The following SAMD4A variants were observed in gnomAD, a reference collection of about 807,000 sequenced individuals.
The protein encoded by SAMD4A is protein Smaug homolog 1.
In SAMD4A, 33 loss-of-function variants were observed where a neutral mutation model predicts 81.3. That is an observed-to-expected ratio of 0.41 (90% CI 0.31 to 0.54). SAMD4A has a LOEUF of 0.54. SAMD4A is among the 20% of genes least tolerant of loss of function. The pLI, the probability that SAMD4A is intolerant of heterozygous loss-of-function variation, is 0.37. For missense variants in SAMD4A, 854 were observed against 951.1 expected (o/e 0.90, Z 1.34); for synonymous variants, 389 against 382.1 (o/e 1.02, Z -0.21).
intron 2 of SAMD4A, among the ~76,000 whole-genome samples, chr14:54,590,807 C>T (rs990055326): frequency 6.6e-6 from 1 of 152,158 alleles, no homozygotes; most frequent in African/African-American, 2.4e-5. Flanking sequence ...CAGAAGTAGC[C>T]AAAGGCCACC....
intron 3 of SAMD4A, among the ~76,000 whole-genome samples, chr14:54,725,059 G>A (rs2037379625): frequency 6.6e-6 from 1 of 152,154 alleles, no homozygotes; most frequent in Admixed American, 6.5e-5. Flanking sequence ...CACATGGTGG[G>A]CACTCCACAA....
At chr14:54,674,761 T>C (rs1281515668) in intron 2 of SAMD4A, among the ~76,000 whole-genome samples, 1 of 152,186 alleles carries the variant, frequency 6.6e-6, no homozygotes, top group African/African-American at 2.4e-5. Context: ...TTTTATTTTA[T>C]TTTTGAGACA....
intron 4 of SAMD4A, among the ~76,000 whole-genome samples, chr14:54,748,081 G>T (rs2038011149): frequency 6.6e-6 from 1 of 152,160 alleles, no homozygotes; most frequent in African/African-American, 2.4e-5. Flanking sequence ...TTCAAGTCCT[G>T]ATATATTTTT....
At chr14:54,706,211 G>A (rs968409205) in intron 3 of SAMD4A, among the ~76,000 whole-genome samples, 3 of 151,186 alleles carry the variant, frequency 2.0e-5, no homozygotes, top group Middle Eastern at 3.4e-3. Flanking sequence ...TTAGTCTGAT[G>A]AGGTGGCTGA....
chr14:54,642,611 T>A (rs2035199316), intron 2 of SAMD4A, among the ~76,000 whole-genome samples: 1 of 152,156 alleles, frequency 6.6e-6, no homozygotes, highest in South Asian at 2.1e-4. Flanking sequence ...TTGTGGAGAT[T>A]CATTCAGTAC....
intron 2 of SAMD4A, among the ~76,000 whole-genome samples, chr14:54,644,733 T>A (rs2035249220): frequency 6.6e-6 from 1 of 152,202 alleles, no homozygotes; most frequent in South Asian, 2.1e-4. Context: ...ATGATTCAGA[T>A]CTTAAACACA....
In SAMD4A at chr14:54,660,973, G is replaced by A. The variant is rs185234746; in HGVS notation, c.197-41089G>A. Among the ~76,000 whole-genome samples the A allele has an allele frequency of 1.3e-3, 195 of 152,262 alleles. 1 individual carries two copies. Among genetic ancestry groups the A allele is most frequent in the African/African-American group, 4.4e-3 (184 of 41,556 alleles). The stretch of plus-strand genomic sequence containing the variant: ...AGGCATCTTTTTAGTTCTCTGGAGG[G>A]TTTTTCCACCTATGGACTTGATCAG... On this transcript the variant is annotated intron_variant, in intron 2 of 12. Coordinates refer to ENST00000554335, the MANE Select transcript of SAMD4A (RefSeq NM_015589.6).
rs1375716068 is a variant in SAMD4A, at chr14:54,567,752, G to A, written c.-165G>A. 3.7e-5 allele frequency: 22 copies of A among 587,812 alleles called. No homozygotes were observed. Among genetic ancestry groups the A allele is most frequent in the Non-Finnish European group, 6.3e-5 (22 of 351,714 alleles). 36.4% of individuals were successfully genotyped at this position (587,812 alleles called of 1,614,324 possible). A position where few individuals can be genotyped will look rare whatever the true frequency, so the allele number is the denominator to read the frequency against. ...CCGGAACGTAACTGAAACCAGACAA[G>A]AGAGGCAGGAGCCCAGGCAGTACCT... On this transcript the variant is annotated 5_prime_UTR_variant, in exon 2 of 13. Coordinates refer to ENST00000554335, the MANE Select transcript of SAMD4A (RefSeq NM_015589.6).
At chr14:54,665,439 T>C (rs955325730) in intron 2 of SAMD4A, among the ~76,000 whole-genome samples, 1 of 152,226 alleles carries the variant, frequency 6.6e-6, no homozygotes, top group Non-Finnish European at 1.5e-5. Context: ...TGTTTTATTC[T>C]AGAGCATAAA....
At chr14:54,686,540 C>A (rs1383099867) in intron 2 of SAMD4A, among the ~76,000 whole-genome samples, 1 of 143,196 alleles carries the variant, frequency 7.0e-6, no homozygotes, top group Admixed American at 7.3e-5. Flanking sequence ...GTTTTTCCAT[C>A]GGGCTCTTTG....
chr14:54,645,784 TTC>T (rs1166463107), intron 2 of SAMD4A, among the ~76,000 whole-genome samples: 2 of 152,264 alleles, frequency 1.3e-5, no homozygotes, highest in Non-Finnish European at 2.9e-5. Context: ...TCCAGAATAC[TTC>T]TCTGTTTCCC....
chr14:54,617,661 G>A (rs894693869), intron 2 of SAMD4A, among the ~76,000 whole-genome samples: 5 of 152,034 alleles, frequency 3.3e-5, no homozygotes, highest in South Asian at 2.1e-4. Flanking sequence ...GAAATCTTTC[G>A]ACCTCTTCCT....
At chr14:54,783,979 A>G (rs1407911750) in intron 11 of SAMD4A, among the ~76,000 whole-genome samples, 1 of 152,176 alleles carries the variant, frequency 6.6e-6, no homozygotes, top group Non-Finnish European at 1.5e-5. Flanking sequence ...CTGTGGGCGA[A>G]GGCTATGAAG....
At chr14:54,780,443 T>G in intron 11 of SAMD4A, among the ~76,000 whole-genome samples, 1 of 152,064 alleles carries the variant, frequency 6.6e-6, no homozygotes, top group East Asian at 1.9e-4. Flanking sequence ...TTAGAAAGAA[T>G]AGAGAGTTAT....
chr14:54,682,123 G>C (rs1278378145), intron 2 of SAMD4A: 1 of 929,718 alleles, frequency 1.1e-6, no homozygotes, highest in Non-Finnish European at 1.3e-6. Flanking sequence ...ACAATGTTTG[G>C]GGTTGTGGCC....
chr14:54,757,497 A>G (rs552821557), intron 6 of SAMD4A, among the ~76,000 whole-genome samples: 5 of 151,702 alleles, frequency 3.3e-5, no homozygotes, highest in African/African-American at 1.2e-4. Context: ...TGGGGCATGC[A>G]TATGTTTCCT....
At chr14:54,736,670 T>G (rs2037701952) in intron 3 of SAMD4A, among the ~76,000 whole-genome samples, 1 of 152,276 alleles carries the variant, frequency 6.6e-6, no homozygotes, top group Non-Finnish European at 1.5e-5. Flanking sequence ...TTTTTGCTTT[T>G]GGCAGATATG....
At chr14:54,690,982 C>G (rs904813780) in intron 2 of SAMD4A, among the ~76,000 whole-genome samples, 3 of 152,234 alleles carry the variant, frequency 2.0e-5, no homozygotes, top group African/African-American at 7.2e-5. Flanking sequence ...AGGTTTGTTT[C>G]CAGGAAGGAG....
intron 2 of SAMD4A, chr14:54,681,777 A>G (rs12434906): frequency 0.91 from 896,982 of 984,600 alleles, 410,865 homozygotes; most frequent in Non-Finnish European, 0.93. Context: ...ATGGAGCCCC[A>G]AATGAAAAAT....
Sources: allele counts gnomAD v4.1 joint callset (sites outside exome capture counted in the v4.1 genomes callset), GRCh38; gene constraint gnomAD v4.1.1; transcripts MANE v1.5; gene names NCBI Gene and HGNC (gene_info 2026-07-23, HGNC 2026-07-21).